RPAIN: variants seen among roughly 807,000 people sequenced by gnomAD.
RPAIN encodes the protein RPA interacting protein.
A neutral mutation model predicts 30.5 loss-of-function variants in RPAIN; 29 were observed. That is an observed-to-expected ratio of 0.95 (90% CI 0.71 to 1.30). The LOEUF (loss-of-function observed/expected upper bound fraction) is 1.30, where lower values mean the gene tolerates loss of function less well. Ranked by LOEUF, RPAIN falls within the 50% of genes most tolerant of loss-of-function variation. The pLI is 0.00. For synonymous variants in RPAIN, 101 were observed against 93.5 expected, an observed-to-expected ratio of 1.08 and a Z score of -0.46; for missense variants, 247 against 264.7, an observed-to-expected ratio of 0.93 and a Z score of 0.46.
chr17:5,428,214 A>G lies in RPAIN; in HGVS notation c.630+3A>G. 6.2e-7 allele frequency: 1 copy of G among 1,614,190 alleles called. No individual in the cohort carries two copies. Among genetic ancestry groups the G allele is most frequent in the African/African-American group, 1.3e-5 (1 of 75,056 alleles). Reference sequence around the variant, plus strand: ...CCAGTCTTCTCATGAGCTGTCTGGTAAGCGTCTCCTGGGACCCACTCTGTG... The same window carrying G: ...CCAGTCTTCTCATGAGCTGTCTGGTGAGCGTCTCCTGGGACCCACTCTGTG... On this transcript the variant is annotated splice_donor_region_variant and intron_variant, in intron 6 of 6. Transcript: ENST00000381209.
intron 1 of RPAIN, 68 bp downstream of exon 1, chr17:5,420,359 G>GC (rs1914628020): frequency 7.2e-7 from 1 of 1,390,702 alleles, no homozygotes; most frequent in African/African-American, 1.4e-5. Flanking sequence ...CCCTGCCTTC[G>GC]CCTTAGCCCT....
chr17:5,429,449 A>G, intron 6 of RPAIN: 1 of 985,416 alleles, frequency 1.0e-6, no homozygotes, highest in Non-Finnish European at 1.2e-6. Context: ...AATAGGAAAC[A>G]GATTCAGAGA....
intron 6 of RPAIN, 91 bp from the exon 7 acceptor site, chr17:5,432,451 T>C: frequency 8.4e-7 from 1 of 1,195,598 alleles, no homozygotes. Flanking sequence ...CCTCATCTAA[T>C]GTGTAGAATT....
intron 5 of RPAIN, 41 bp downstream of exon 5, chr17:5,426,340 C>T (rs1915389867): frequency 6.5e-7 from 1 of 1,535,742 alleles, no homozygotes; most frequent in Non-Finnish European, 9.0e-7. Context: ...CTTCTTCCCA[C>T]ATGGATCTAC....
chr17:5,432,845 GA>G lies in RPAIN; in HGVS notation c.*281del, dbSNP rs956195384. 5.4e-5 allele frequency: 52 copies of G among 959,670 alleles called. No homozygotes were observed. The highest frequency in any genetic ancestry group is 5.3e-4 in the African/African-American group (32 of 59,920). The allele number at this position is 959,670 out of a possible 1,614,324, so 59.4% of individuals were successfully genotyped here. A position where few individuals can be genotyped will look rare whatever the true frequency, so the allele number is the denominator to read the frequency against. ...AATCTAGAAATAATAGATTTGTACAGAAAAAAATGATAATAAATGAGAACAC... is the reference window on the plus strand; with the variant it reads ...AATCTAGAAATAATAGATTTGTACAGAAAAAATGATAATAAATGAGAACAC... On this transcript the variant is annotated 3_prime_UTR_variant, in exon 7 of 7. Transcript: ENST00000381209.
At chr17:5,431,323 C>T in intron 6 of RPAIN, 2 of 387,136 alleles carry the variant, frequency 5.2e-6, no homozygotes, top group South Asian at 3.9e-5. Context: ...CCTGTCTCTA[C>T]TAAAAATACA....
chr17:5,424,331 ATG>A (rs1207912947), intron 3 of RPAIN, among the ~76,000 whole-genome samples: 1 of 151,946 alleles, frequency 6.6e-6, no homozygotes, highest in African/African-American at 2.4e-5. Flanking sequence ...GGGTCTCACT[ATG>A]TTGCCTAGGC....
chr17:5,427,559 C>G (rs140556356), intron 5 of RPAIN: 1 of 154,278 alleles, frequency 6.5e-6, no homozygotes, highest in Admixed American at 6.4e-5. Flanking sequence ...CATCTTTTAC[C>G]TAATTCTATA....
chr17:5,428,434 C>G, intron 6 of RPAIN: 1 of 1,447,212 alleles, frequency 6.9e-7, no homozygotes. Context: ...GAGGATTGGT[C>G]TGGGAGTTAG....
intron 5 of RPAIN, chr17:5,426,571 G>T: frequency 2.8e-6 from 1 of 363,554 alleles, no homozygotes; most frequent in Non-Finnish European, 5.0e-6. Flanking sequence ...GGTAACGCCT[G>T]TATCTGACGT....
Position 5,428,202 on chromosome 17 carries a change from G to A in RPAIN, c.621G>A (p.Met207Ile). The A allele has an allele frequency of 6.2e-7, 1 of 1,614,216 alleles. No homozygotes were observed. The highest frequency in any genetic ancestry group is 8.5e-7 in the Non-Finnish European group (1 of 1,180,042). Reference protein sequence around the residue: ...GGTEEKSSLLMSCLACDTWAV... With the variant: ...GGTEEKSSLLISCLACDTWAV... ...CAGAAGAAAAGTCCAGTCTTCTCAT[G>A]AGCTGTCTGGTAAGCGTCTCCTGGG... Residue 207 changes from methionine to isoleucine, a missense_variant, in exon 6 of 7, where the codon ATG becomes ATA. Coordinates refer to ENST00000381209, the MANE Select transcript of RPAIN (RefSeq NM_001033002.4).
chr17:5,420,373 C>T, intron 1 of RPAIN, 82 bp downstream of exon 1: 7 of 1,258,712 alleles, frequency 5.6e-6, no homozygotes, highest in Non-Finnish European at 4.5e-6. Context: ...TAGCCCTGCT[C>T]CGTGGAGCAG....
At chr17:5,429,224 C>G (rs1351529189) in intron 6 of RPAIN, 4 of 984,830 alleles carry the variant, frequency 4.1e-6, no homozygotes, top group Non-Finnish European at 3.6e-6. Context: ...TATGGTGACA[C>G]CTTCCTGGAG....
chr17:5,428,743 T>C (rs1207340513), intron 6 of RPAIN: 3 of 1,014,950 alleles, frequency 3.0e-6, no homozygotes, highest in African/African-American at 3.4e-5. Context: ...TTATAATCCA[T>C]GTCCTTTCCA....
rs1410320514 is a variant in RPAIN, at chr17:5,422,340, C to T, written c.253-429C>T. Among the ~76,000 whole-genome samples, 3 of 152,184 alleles carry T rather than the reference C, an allele frequency of 2.0e-5. No individual in the cohort carries two copies. The East Asian group carries it at 5.8e-4, about 29-fold the overall frequency. On this transcript the variant is annotated intron_variant, in intron 2 of 6. Coordinates refer to ENST00000381209, the MANE Select transcript of RPAIN (RefSeq NM_001033002.4). ...ATCAACACCCTGTGTAATAATGATGCATTATTCAGTGGCTTTTGTGTGTCC... is the reference window on the plus strand; with the variant it reads ...ATCAACACCCTGTGTAATAATGATGTATTATTCAGTGGCTTTTGTGTGTCC...
rs745575702 is a variant in RPAIN, at chr17:5,426,234, A to G, written c.426-2A>G. On this transcript the variant is annotated splice_acceptor_variant, in intron 4 of 6. Transcript: ENST00000381209. LOFTEE classifies it high-confidence loss of function. ...GCTCTGGGATCCTAATTCTGCTTCTAGGTACAACCTGAGAATCACAAGCGG... is the reference window on the plus strand; with the variant it reads ...GCTCTGGGATCCTAATTCTGCTTCTGGGTACAACCTGAGAATCACAAGCGG... 1.9e-6 allele frequency: 3 copies of G among 1,614,038 alleles called. No homozygotes were observed. Among genetic ancestry groups the G allele is most frequent in the Admixed American group, 1.7e-5 (1 of 60,020 alleles).
chr17:5,423,081 T>C (rs1298994944), intron 3 of RPAIN: 1 of 378,556 alleles, frequency 2.6e-6, no homozygotes, highest in Non-Finnish European at 4.7e-6. Flanking sequence ...CCCTGTAAGA[T>C]AGTAGTATTA....
At chr17:5,423,381 G>A (rs1354433751) in intron 3 of RPAIN, among the ~76,000 whole-genome samples, 1 of 151,922 alleles carries the variant, frequency 6.6e-6, no homozygotes, top group East Asian at 1.9e-4. Flanking sequence ...ATCTGGGTGT[G>A]GTAGCAAATA....
intron 6 of RPAIN, chr17:5,432,176 T>TCTCGG: frequency 7.9e-6 from 2 of 253,340 alleles, no homozygotes; most frequent in Non-Finnish European, 7.7e-6. Flanking sequence ...CTTGTGTAGA[T>TCTCGG]TTGGAGTCTC....
Sources: allele counts gnomAD v4.1 joint callset (sites outside exome capture counted in the v4.1 genomes callset), GRCh38; gene constraint gnomAD v4.1.1; transcripts MANE v1.5; gene names NCBI Gene and HGNC (gene_info 2026-07-23, HGNC 2026-07-21).